Variants in NTNG1 observed in about 807,000 individuals in gnomAD.
NTNG1 encodes the protein netrin G1, also known as netrin-G1.
NTNG1 carries 16 observed loss-of-function variants against 54.0 expected under a neutral mutation model. The observed-to-expected ratio is 0.30, with a 90% CI of 0.20 to 0.45. The LOEUF (loss-of-function observed/expected upper bound fraction) is 0.45, where lower values mean the gene tolerates loss of function less well. Ranked by LOEUF, NTNG1 falls within the 20% of genes least tolerant of loss-of-function variation. The probability of loss-of-function intolerance (pLI) is 1.00; values close to 1 mark genes in which losing one functional copy is unlikely to be tolerated. For missense variants in NTNG1, 530 were observed against 678.7 expected (o/e 0.78, Z 2.43); for synonymous variants, 255 against 263.1 (o/e 0.97, Z 0.30).
intron 2 of NTNG1, among the ~76,000 whole-genome samples, chr1:107,178,434 G>A (rs551266744): frequency 9.2e-5 from 14 of 151,482 alleles, no homozygotes; most frequent in African/African-American, 3.4e-4. Context: ...ATGTTTATGA[G>A]GTCAGTCTTT....
chr1:107,403,963 C>A (rs775483605), intron 4 of NTNG1, among the ~76,000 whole-genome samples: 2 of 151,628 alleles, frequency 1.3e-5, no homozygotes, highest in Non-Finnish European at 2.9e-5. Context: ...TCCTTCCGTT[C>A]TTTTTAATTT....
intron 2 of NTNG1, among the ~76,000 whole-genome samples, chr1:107,170,380 C>G (rs1570754985): frequency 1.3e-5 from 2 of 151,866 alleles, no homozygotes; most frequent in African/African-American, 2.4e-5. Flanking sequence ...AATTTTAGTA[C>G]CCATCTATTA....
At chr1:107,237,303 A>G (rs1352395354) in intron 2 of NTNG1, among the ~76,000 whole-genome samples, 1 of 152,184 alleles carries the variant, frequency 6.6e-6, no homozygotes. Flanking sequence ...AGTGGAAGAA[A>G]TTTCTAAGCA....
chr1:107,448,134 T>C (rs1445989096), intron 7 of NTNG1, among the ~76,000 whole-genome samples: 2 of 152,068 alleles, frequency 1.3e-5, no homozygotes, highest in African/African-American at 4.8e-5. Flanking sequence ...AGCTTGCTTT[T>C]CTGATCATAG....
intron 5 of NTNG1, chr1:107,418,444 T>C (rs1674356003): frequency 3.7e-6 from 2 of 542,946 alleles, no homozygotes. Context: ...GTGGGAGTCA[T>C]GTTTTGTTTA....
At chr1:107,454,874 G>C (rs188073834) in intron 7 of NTNG1, among the ~76,000 whole-genome samples, 2 of 152,228 alleles carry the variant, frequency 1.3e-5, no homozygotes, top group African/African-American at 4.8e-5. Flanking sequence ...TTTGAGGTCA[G>C]GAATTTAGAA....
chr1:107,466,213 T>C (rs1677604321), intron 7 of NTNG1, among the ~76,000 whole-genome samples: 1 of 152,154 alleles, frequency 6.6e-6, no homozygotes, highest in Non-Finnish European at 1.5e-5. Context: ...GTGTAAACTC[T>C]TTGTGAGGAA....
intron 3 of NTNG1, among the ~76,000 whole-genome samples, chr1:107,387,305 G>T (rs775593324): frequency 4.6e-5 from 7 of 152,194 alleles, no homozygotes; most frequent in Non-Finnish European, 1.0e-4. Context: ...TCCAGTTTGG[G>T]CCAAAAATTT....
chr1:107,264,209 TCAC>T (rs1159281413), intron 2 of NTNG1, among the ~76,000 whole-genome samples: 1 of 151,924 alleles, frequency 6.6e-6, no homozygotes, highest in Non-Finnish European at 1.5e-5. Context: ...CCCCCTCCCC[TCAC>T]CACCACCGTT....
At chr1:107,346,556 A>AT (rs1241100326) in intron 3 of NTNG1, among the ~76,000 whole-genome samples, 1 of 152,046 alleles carries the variant, frequency 6.6e-6, no homozygotes, top group Non-Finnish European at 1.5e-5. Flanking sequence ...ATATATTTAG[A>AT]TTTTTTTGGC....
At chr1:107,445,506 A>T (rs771690792) in intron 7 of NTNG1, among the ~76,000 whole-genome samples, 13 of 152,156 alleles carry the variant, frequency 8.5e-5, no homozygotes, top group Non-Finnish European at 1.8e-4. Context: ...ACAGGAGAAG[A>T]TTATTTTCCT....
At chr1:107,424,943 T>C (rs983684452) in intron 5 of NTNG1, among the ~76,000 whole-genome samples, 1 of 152,008 alleles carries the variant, frequency 6.6e-6, no homozygotes, top group Non-Finnish European at 1.5e-5. Context: ...CCTTGAGACA[T>C]TTGAAGAGAT....
intron 2 of NTNG1, among the ~76,000 whole-genome samples, chr1:107,218,198 T>G (rs1042432615): frequency 6.6e-5 from 10 of 152,248 alleles, no homozygotes; most frequent in Non-Finnish European, 1.3e-4. Flanking sequence ...TTTATCATTA[T>G]GTAATGTTCC....
chr1:107,294,574 A>G (rs988008965), intron 2 of NTNG1, among the ~76,000 whole-genome samples: 24 of 152,176 alleles, frequency 1.6e-4, no homozygotes, highest in African/African-American at 5.8e-4. Context: ...CGGTAATAGC[A>G]CCTTCACTAG....
At chr1:107,439,745 C>A (rs1675849937) in intron 7 of NTNG1, among the ~76,000 whole-genome samples, 1 of 152,080 alleles carries the variant, frequency 6.6e-6, no homozygotes, top group Admixed American at 6.6e-5. Context: ...CCCCTGGGAT[C>A]TCTTGGGCTG....
chr1:107,362,474 C>G (rs964764786), intron 3 of NTNG1, among the ~76,000 whole-genome samples: 13 of 152,212 alleles, frequency 8.5e-5, no homozygotes, highest in African/African-American at 2.4e-4. Flanking sequence ...ACTGTGGCCT[C>G]CACTATGGGG....
At chr1:107,198,689 G>A (rs969040536) in intron 2 of NTNG1, among the ~76,000 whole-genome samples, 1 of 151,848 alleles carries the variant, frequency 6.6e-6, no homozygotes, top group Admixed American at 6.6e-5. Flanking sequence ...TGTTAGTTGT[G>A]TGACCTCAGG....
chr1:107,451,831 G>A (rs1676645379), intron 7 of NTNG1, among the ~76,000 whole-genome samples: 1 of 152,148 alleles, frequency 6.6e-6, no homozygotes, highest in Admixed American at 6.6e-5. Context: ...CATGCCTTAA[G>A]GATGTTGCTA....
chr1:107,372,014 A>C (rs1345073820), intron 3 of NTNG1, among the ~76,000 whole-genome samples: 1 of 152,038 alleles, frequency 6.6e-6, no homozygotes, highest in Non-Finnish European at 1.5e-5. Context: ...GAGGTGCTCA[A>C]CTTGTAGTGT....
Sources: gnomAD v4.1 joint callset for allele counts (sites outside exome capture counted in the v4.1 genomes callset) on GRCh38, gnomAD v4.1.1 for gene constraint, MANE v1.5 for transcripts, NCBI Gene and HGNC (gene_info 2026-07-23, HGNC 2026-07-21) for gene names.